HNRNPC: variants seen among roughly 807,000 people sequenced by gnomAD.
HNRNPC encodes the protein heterogeneous nuclear ribonucleoprotein C, also known as heterogeneous nuclear ribonucleoproteins C1/C2.
Under a neutral mutation model 33.2 loss-of-function variants are expected in HNRNPC, and 3 were observed. The observed-to-expected ratio is 0.09, with a 90% CI of 0.04 to 0.23. The LOEUF is 0.23. Among genes scored for constraint, HNRNPC ranks in the 10% least tolerant of loss-of-function variants. The pLI, the probability that HNRNPC is intolerant of heterozygous loss-of-function variation, is 1.00. For missense variants in HNRNPC, 143 were observed against 366.7 expected (o/e 0.39, Z 4.98); for synonymous variants, 121 against 126.7 (o/e 0.96, Z 0.30).
chr14:21,211,143 G>A lies in HNRNPC; in HGVS notation c.*80C>T, dbSNP rs895477308. On this transcript the variant is annotated 3_prime_UTR_variant, in exon 9 of 9. Transcript: ENST00000553300. ...ATGTGCTGAAGATACTAGGGGAGAG[G>A]ATCTGGTGAAAAATTTGATCTTAGA... The A allele has an allele frequency of 5.3e-5, 72 of 1,363,212 alleles. 1 individual carries two copies. The highest frequency in any genetic ancestry group is 4.9e-4 in the Middle Eastern group (2 of 4,084). 84.4% of individuals were successfully genotyped at this position (1,363,212 alleles called of 1,614,324 possible).
intron 2 of HNRNPC, among the ~76,000 whole-genome samples, chr14:21,261,061 C>T (rs1405596569): frequency 6.6e-6 from 1 of 151,916 alleles, no homozygotes; most frequent in East Asian, 1.9e-4. Context: ...AATCCTGGGC[C>T]AAGGGACCCT....
chr14:21,230,660 C>G (rs989764589), intron 4 of HNRNPC: 1 of 499,254 alleles, frequency 2.0e-6, no homozygotes. Context: ...TTATACCACA[C>G]TTCTACCCTC....
At chr14:21,212,149 G>C (rs1891678540) in intron 6 of HNRNPC, 1 of 470,632 alleles carries the variant, frequency 2.1e-6, no homozygotes, top group South Asian at 2.4e-5. Flanking sequence ...TCGCTATGTT[G>C]ACCAGGCCTG....
At chr14:21,247,268 C>A (rs1359291767) in intron 2 of HNRNPC, among the ~76,000 whole-genome samples, 1 of 152,196 alleles carries the variant, frequency 6.6e-6, no homozygotes, top group East Asian at 1.9e-4. Flanking sequence ...CTAAAGATCA[C>A]ATATAGCTCC....
Sources: gnomAD v4.1 joint callset for allele counts (sites outside exome capture counted in the v4.1 genomes callset) on GRCh38, gnomAD v4.1.1 for gene constraint, MANE v1.5 for transcripts, NCBI Gene and HGNC (gene_info 2026-07-23, HGNC 2026-07-21) for gene names.